NRP2: variants seen among roughly 807,000 people sequenced by gnomAD.
NRP2 encodes neuropilin-2.
A neutral mutation model predicts 110.4 loss-of-function variants in NRP2; 52 were observed. The ratio of observed to expected loss-of-function variants is 0.47; its 90% CI spans 0.38 to 0.59. The LOEUF (loss-of-function observed/expected upper bound fraction) is 0.59, where lower values mean the gene tolerates loss of function less well. Among genes scored for constraint, NRP2 ranks in the 20% least tolerant of loss-of-function variants. The probability of loss-of-function intolerance (pLI) is 0.00; values close to 1 mark genes in which losing one functional copy is unlikely to be tolerated. For missense variants in NRP2, 1,049 were observed against 1,203.0 expected, an observed-to-expected ratio of 0.87 and a Z score of 1.89; for synonymous variants, 508 against 468.9, an observed-to-expected ratio of 1.08 and a Z score of -1.08.
chr2:205,730,387 G>A (rs866076896), intron 7 of NRP2, among the ~76,000 whole-genome samples: 14 of 152,082 alleles, frequency 9.2e-5, no homozygotes, highest in East Asian at 1.9e-4. Flanking sequence ...GGGACTTGGG[G>A]GCAGTGGAGG....
chr2:205,721,749 A>G (rs2057017058), intron 3 of NRP2, among the ~76,000 whole-genome samples: 1 of 152,346 alleles, frequency 6.6e-6, no homozygotes, highest in African/African-American at 2.4e-5. Flanking sequence ...GAAGCCTTCC[A>G]AATGTCAATG....
chr2:205,762,668 G>A (rs2057843657), intron 12 of NRP2, among the ~76,000 whole-genome samples: 1 of 152,174 alleles, frequency 6.6e-6, no homozygotes, highest in African/African-American at 2.4e-5. Context: ...ACGCCCCTAT[G>A]TTTCAGGGCC....
At chr2:205,701,860 C>A (rs899063888) in intron 2 of NRP2, among the ~76,000 whole-genome samples, 3 of 152,186 alleles carry the variant, frequency 2.0e-5, no homozygotes, top group African/African-American at 7.2e-5. Flanking sequence ...TCATGTGCTG[C>A]ACTTCCCTGT....
rs903046482 is a variant in NRP2 at position 205,697,885 on chromosome 2, G to A, written c.251+164G>A. The stretch of plus-strand genomic sequence containing the variant: ...AACCTCAAGGGGCATTCCCTTTCCA[G>A]GGAAATAAAGGTGTGGCTGATCCCA... On this transcript the variant is annotated intron_variant, in intron 2 of 16. Transcript: ENST00000357785. 10 of 743,512 alleles carry A rather than the reference G, an allele frequency of 1.3e-5. No individual in the cohort carries two copies. The Admixed American group carries it at 1.9e-4, about 14-fold the overall frequency. 46.1% of individuals were successfully genotyped at this position (743,512 alleles called of 1,614,324 possible).
At chr2:205,744,020 A>G (rs1225040280) in intron 9 of NRP2, among the ~76,000 whole-genome samples, 1 of 152,218 alleles carries the variant, frequency 6.6e-6, no homozygotes. Context: ...CTGGGATTAT[A>G]GGCATGAACC....
rs1575577759 is a variant in NRP2 at position 205,716,268 on chromosome 2, C to T, written c.327C>T (p.Ala109=). Residue 109 remains alanine (A), a synonymous_variant, in exon 3 of 17, where the codon GCC becomes GCT. Coordinates refer to ENST00000357785, the MANE Select transcript of NRP2 (RefSeq NM_003872.3). ...DLLGKHCGNI[A]PPTIISSGSM... is the part of the protein sequence containing the mutation. ...TGGGCAAACACTGTGGGAACATCGC[C>T]CCGCCCACCATCATCTCCTCGGGCT... 3.7e-6 allele frequency: 6 copies of T among 1,614,156 alleles called. No homozygotes were observed. The East Asian group carries it at 1.1e-4, about 30-fold the overall frequency.
intron 8 of NRP2, among the ~76,000 whole-genome samples, chr2:205,742,719 G>A (rs993776314): frequency 1.1e-4 from 17 of 152,234 alleles, no homozygotes; most frequent in African/African-American, 3.9e-4. Flanking sequence ...CAGTTCCCCT[G>A]TTCTCAGTGT....
chr2:205,765,724 G>A (rs763582623), intron 14 of NRP2, 154 bp downstream of exon 14: 1 of 770,348 alleles, frequency 1.3e-6, no homozygotes, highest in Non-Finnish European at 2.3e-6. Context: ...GTGTAGTTGT[G>A]TCTTAGGCTG....
rs201665153 is a variant in NRP2 at position 205,725,866 on chromosome 2, T to A, written c.821-47T>A. On this transcript the variant is annotated intron_variant, in intron 5 of 16. Transcript: ENST00000357785. This position sits in a 1 kb window ranked among gnomAD's most constrained non-coding sequence, Gnocchi z 4.1. ...AGGCAGCATTTGGGGGATCCCGAGG[T>A]ATGAGGTTGGAAGGCCTAACTGCAT... is the stretch of plus-strand genomic sequence containing the variant. 3.1e-6 allele frequency: 5 copies of A among 1,606,514 alleles called. No individual in the cohort carries two copies. Among genetic ancestry groups the A allele is most frequent in the Middle Eastern group, 2.0e-4 (1 of 4,918 alleles).
intron 10 of NRP2, 71 bp from the exon 11 acceptor site, chr2:205,749,654 G>T: frequency 3.4e-6 from 4 of 1,183,804 alleles, no homozygotes; most frequent in South Asian, 1.2e-5. Flanking sequence ...GAGATGTTTG[G>T]CATCTTCCTC....
At chr2:205,739,785 A>G (rs940902637) in intron 7 of NRP2, among the ~76,000 whole-genome samples, 3 of 149,490 alleles carry the variant, frequency 2.0e-5, no homozygotes, top group Non-Finnish European at 3.0e-5. Flanking sequence ...TGCTCCCACC[A>G]TGTAGGATCA....
chr2:205,708,111 C>T (rs2056720938), intron 2 of NRP2, among the ~76,000 whole-genome samples: 1 of 152,228 alleles, frequency 6.6e-6, no homozygotes, highest in South Asian at 2.1e-4. Context: ...GACTACTCTT[C>T]CTTTGCACTC....
At chr2:205,722,412 C>G in intron 3 of NRP2, 66 bp from the exon 4 acceptor site, 1 of 1,302,036 alleles carries the variant, frequency 7.7e-7, no homozygotes, top group South Asian at 1.2e-5. Context: ...TTTAAATAAC[C>G]CATGTGACAG....
rs140681556 is a variant in NRP2 at position 205,795,336 on chromosome 2, A to G, written c.*278A>G. The G allele has an allele frequency of 5.5e-4, 185 of 338,774 alleles. No individual in the cohort carries two copies. Among genetic ancestry groups the G allele is most frequent in the African/African-American group, 3.4e-3 (161 of 47,572 alleles). 21.0% of individuals were successfully genotyped at this position (338,774 alleles called of 1,614,324 possible). A position where few individuals can be genotyped will look rare whatever the true frequency, so the allele number is the denominator to read the frequency against. On this transcript the variant is annotated 3_prime_UTR_variant, in exon 17 of 17. Transcript: ENST00000357785. Reference sequence around the variant, plus strand: ...AACAGGAGCTCATCTCTTTGGGGTCACAGTTCTATTTTGTTTGTGAGTTTG... The same window carrying G: ...AACAGGAGCTCATCTCTTTGGGGTCGCAGTTCTATTTTGTTTGTGAGTTTG...
Position 205,763,410 on chromosome 2 carries a change from T to C in NRP2, c.2045-264T>C, listed in dbSNP as rs1484479360. 6.6e-6 allele frequency among the ~76,000 whole-genome samples: 1 copy of C among 151,734 alleles called. No homozygotes were observed. The highest frequency in any genetic ancestry group is 2.4e-5 in the African/African-American group (1 of 41,286). On this transcript the variant is annotated intron_variant, in intron 12 of 16. Coordinates refer to ENST00000357785, the MANE Select transcript of NRP2 (RefSeq NM_003872.3). The surrounding 1 kb of genome is among the most constrained non-coding windows in gnomAD (Gnocchi z 4.0). ...TAAGGCAGCTGTGCCGGGTGCTCCA[T>C]GTGAAAGAGATGGAAAGGAAATGAT...
chr2:205,718,425 T>C (rs1273371469), intron 3 of NRP2, among the ~76,000 whole-genome samples: 1 of 152,208 alleles, frequency 6.6e-6, no homozygotes, highest in Non-Finnish European at 1.5e-5. Context: ...GAAACAATGG[T>C]GCCAGCCAAC....
intron 15 of NRP2, among the ~76,000 whole-genome samples, chr2:205,768,783 C>T (rs80254397): frequency 0.021 from 3,226 of 152,270 alleles, 114 homozygotes; most frequent in African/African-American, 0.074. Context: ...CCATGGCTTT[C>T]GTCCTGGAGG....
rs2058054530 is a variant in NRP2 at position 205,773,559 on chromosome 2, A to G, written c.2425+6756A>G. Among the ~76,000 whole-genome samples, 2 of 152,164 alleles carry G rather than the reference A, an allele frequency of 1.3e-5. 1 individual carries two copies. Among genetic ancestry groups the G allele is most frequent in the South Asian group, 4.2e-4 (2 of 4,806 alleles). On this transcript the variant is annotated intron_variant, in intron 15 of 16. Coordinates refer to ENST00000357785, the MANE Select transcript of NRP2 (RefSeq NM_003872.3). ...TACTTAAAGTGGAGTTTGTCTTTCA[A>G]GTAGAGCAGGATTCTGAGAGACTAT...
chr2:205,770,467 ATC>A (rs72221560), intron 15 of NRP2, among the ~76,000 whole-genome samples: 52,181 of 151,574 alleles, frequency 0.34, 9,196 homozygotes, highest in South Asian at 0.44. Flanking sequence ...CAACTGGCCA[ATC>A]TCTGCATTTT....
Sources: allele counts gnomAD v4.1 joint callset (sites outside exome capture counted in the v4.1 genomes callset), GRCh38; gene constraint gnomAD v4.1.1; non-coding constraint Gnocchi (gnomAD v3.1); transcripts MANE v1.5; gene names NCBI Gene and HGNC (gene_info 2026-07-23, HGNC 2026-07-21).